The following NT5DC1 variants were observed in gnomAD, a reference collection of about 807,000 sequenced individuals.
NT5DC1 encodes 5'-nucleotidase domain-containing protein 1.
NT5DC1 carries 42 observed loss-of-function variants against 59.4 expected under a neutral mutation model. That is an observed-to-expected ratio of 0.71 (90% CI 0.55 to 0.92). NT5DC1 has a LOEUF of 0.92. Ranked by LOEUF, NT5DC1 falls within the 40% of genes least tolerant of loss-of-function variation. NT5DC1 has a pLI of 0.00. For missense variants in NT5DC1, 501 were observed against 537.1 expected (o/e 0.93, Z 0.66); for synonymous variants, 172 against 188.1 (o/e 0.91, Z 0.70).
At chr6:116,203,105 A>G (rs1781379765) in intron 6 of NT5DC1, among the ~76,000 whole-genome samples, 1 of 152,008 alleles carries the variant, frequency 6.6e-6, no homozygotes, top group African/African-American at 2.4e-5. Context: ...GTTATATAAA[A>G]TGTCACTTAA....
At chr6:116,231,691 T>A (rs1782023882) in intron 8 of NT5DC1, among the ~76,000 whole-genome samples, 1 of 152,200 alleles carries the variant, frequency 6.6e-6, no homozygotes, top group African/African-American at 2.4e-5. Context: ...GTTTGTAACT[T>A]TTTACTTGTA....
At chr6:116,163,283 T>C (rs1236523693) in intron 6 of NT5DC1, among the ~76,000 whole-genome samples, 1 of 150,952 alleles carries the variant, frequency 6.6e-6, no homozygotes, top group Non-Finnish European at 1.5e-5. Context: ...CTTTTATTAC[T>C]GATTCAATTT....
Position 116,149,288 on chromosome 6 carries a change from A to T in NT5DC1, c.529+31343A>T, listed in dbSNP as rs1351257315. Among the ~76,000 whole-genome samples the T allele has an allele frequency of 3.3e-5, 5 of 152,332 alleles. No individual in the cohort carries two copies. The South Asian group carries it at 1.0e-3, about 32-fold the overall frequency. On this transcript the variant is annotated intron_variant, in intron 6 of 11. Transcript: ENST00000319550. ...GAATTTTTAAAATAATAGCTTAAGT[A>T]TATGTTTTCATCACTGCAAAATTTC... is the stretch of plus-strand genomic sequence containing the variant.
chr6:116,227,733 C>T (rs76100210), intron 8 of NT5DC1, among the ~76,000 whole-genome samples: 1,757 of 152,254 alleles, frequency 0.012, 33 homozygotes, highest in African/African-American at 0.04. Flanking sequence ...AGCACTTTTT[C>T]GTATAACTGC....
intron 6 of NT5DC1, among the ~76,000 whole-genome samples, chr6:116,185,123 A>G (rs960364650): frequency 7.9e-5 from 12 of 152,106 alleles, no homozygotes; most frequent in African/African-American, 2.7e-4. Context: ...TGTTGATCCA[A>G]AGATCATTCA....
intron 6 of NT5DC1, chr6:116,137,468 A>G: frequency 1.1e-5 from 2 of 179,806 alleles, no homozygotes; most frequent in South Asian, 2.7e-4. Flanking sequence ...GCAGCCGAGA[A>G]CAGTAGGTGC....
chr6:116,220,775 C>T (rs1781782978), intron 6 of NT5DC1, among the ~76,000 whole-genome samples: 1 of 152,172 alleles, frequency 6.6e-6, no homozygotes, highest in African/African-American at 2.4e-5. Flanking sequence ...AAATGCTGAT[C>T]ATATTGTGTT....
intron 4 of NT5DC1, among the ~76,000 whole-genome samples, chr6:116,114,080 G>A (rs1430488301): frequency 6.6e-6 from 1 of 152,064 alleles, no homozygotes; most frequent in Non-Finnish European, 1.5e-5. Flanking sequence ...CTTCACACTG[G>A]CAAAGCCATC....
intron 6 of NT5DC1, among the ~76,000 whole-genome samples, chr6:116,138,175 A>G (rs1779660871): frequency 1.3e-5 from 2 of 152,172 alleles, no homozygotes. Flanking sequence ...ATATTATTTC[A>G]TTTACTTGTC....
intron 4 of NT5DC1, among the ~76,000 whole-genome samples, chr6:116,113,033 T>A (rs539500123): frequency 1.3e-5 from 2 of 152,242 alleles, no homozygotes; most frequent in Non-Finnish European, 2.9e-5. Flanking sequence ...TGACCTAACA[T>A]AAGAACAGTG....
intron 3 of NT5DC1, among the ~76,000 whole-genome samples, chr6:116,108,676 C>A (rs774119950): frequency 6.6e-6 from 1 of 152,152 alleles, no homozygotes; most frequent in Non-Finnish European, 1.5e-5. Flanking sequence ...GTAGGACATA[C>A]AATAGAAAGT....
chr6:116,120,144 C>T (rs774206116), intron 6 of NT5DC1: 17 of 1,613,926 alleles, frequency 1.1e-5, no homozygotes, highest in African/African-American at 6.7e-5. Flanking sequence ...CCATTTGACT[C>T]GGCATTGGGA....
At chr6:116,113,702 GT>G (rs538472047) in intron 4 of NT5DC1, among the ~76,000 whole-genome samples, 97 of 152,236 alleles carry the variant, frequency 6.4e-4, no homozygotes, top group African/African-American at 2.3e-3. Flanking sequence ...TTCTCATTAG[GT>G]TCCCCCTGAA....
At chr6:116,141,896 A>ACACG (rs2114367430) in intron 6 of NT5DC1, among the ~76,000 whole-genome samples, 1 of 149,998 alleles carries the variant, frequency 6.7e-6, no homozygotes, top group Non-Finnish European at 1.5e-5. Context: ...ACACACACAC[A>ACACG]CACACACACA....
intron 4 of NT5DC1, 24 bp from the exon 5 acceptor site, chr6:116,115,667 G>A (rs1390523754): frequency 8.2e-7 from 1 of 1,220,274 alleles, no homozygotes; most frequent in Non-Finnish European, 1.2e-6. Context: ...GTTGTTCCCA[G>A]TTTAAAATTT....
intron 6 of NT5DC1, among the ~76,000 whole-genome samples, chr6:116,220,197 C>G (rs1448897573): frequency 7.7e-6 from 1 of 129,142 alleles, no homozygotes; most frequent in Admixed American, 9.2e-5. Context: ...AATCTTGAAT[C>G]CTTTTTATCT....
At position 116,225,818 on chromosome 6, in the gene NT5DC1, A is replaced by G. The variant is rs1029008501; in HGVS notation, c.802+2687A>G. ...TTTTTTTAAGATCGAAGATACTGGA[A>G]TATGTATATGTGCTGATGAGAATGA... On this transcript the variant is annotated intron_variant, in intron 8 of 11. Transcript: ENST00000319550. 5.3e-5 allele frequency among the ~76,000 whole-genome samples: 8 copies of G among 152,218 alleles called. No homozygotes were observed. The South Asian group carries it at 6.2e-4, about 12-fold the overall frequency.
intron 6 of NT5DC1, among the ~76,000 whole-genome samples, chr6:116,189,390 G>T (rs1018705297): frequency 6.6e-6 from 1 of 151,488 alleles, no homozygotes; most frequent in African/African-American, 2.4e-5. Context: ...TTTATTTTTT[G>T]TCTTCGTAGT....
intron 6 of NT5DC1, among the ~76,000 whole-genome samples, chr6:116,218,783 C>T (rs1476558728): frequency 6.6e-6 from 1 of 152,158 alleles, no homozygotes; most frequent in East Asian, 1.9e-4. Context: ...ATATTATTCT[C>T]ATATTGCAAA....
Sources: allele counts gnomAD v4.1 joint callset (sites outside exome capture counted in the v4.1 genomes callset), GRCh38; gene constraint gnomAD v4.1.1; transcripts MANE v1.5; gene names NCBI Gene and HGNC (gene_info 2026-07-23, HGNC 2026-07-21).